The following P3H2 variants were observed in gnomAD, a reference collection of about 807,000 sequenced individuals.
P3H2 encodes the protein prolyl 3-hydroxylase 2, also known as leprecan-like 1.
A neutral mutation model predicts 87.0 loss-of-function variants in P3H2; 80 were observed. The observed-to-expected ratio is 0.92, with a 90% CI of 0.77 to 1.11. The LOEUF (loss-of-function observed/expected upper bound fraction) is 1.11. Among genes scored for constraint, P3H2 ranks in the 50% least tolerant of loss-of-function variants. The pLI is 0.00. For missense variants in P3H2, 1,001 were observed against 923.9 expected (o/e 1.08, Z -1.08); for synonymous variants, 367 against 359.3 (o/e 1.02, Z -0.24).
At chr3:190,114,531 G>A (rs1468025178) in intron 1 of P3H2, among the ~76,000 whole-genome samples, 6 of 152,002 alleles carry the variant, frequency 3.9e-5, no homozygotes, top group African/African-American at 7.3e-5. Flanking sequence ...TCACTTATAC[G>A]GGCAATAGAT....
intron 13 of P3H2, among the ~76,000 whole-genome samples, chr3:189,966,211 G>T (rs896096635): frequency 1.3e-5 from 2 of 151,548 alleles, no homozygotes; most frequent in African/African-American, 4.9e-5. Flanking sequence ...CTGAGTAAAT[G>T]GCCTTGGGAT....
intron 1 of P3H2, among the ~76,000 whole-genome samples, chr3:190,035,853 T>G (rs1725402774): frequency 6.6e-6 from 1 of 152,182 alleles, no homozygotes; most frequent in African/African-American, 2.4e-5. Context: ...CTTCAACATG[T>G]GCTTCTAATT....
rs754368365 is a variant in P3H2, at chr3:189,964,060, G to A, written c.1932C>T (p.Phe644=). ...IKPKCGRMIS[F]SSGGENPHGV... is the part of the protein sequence containing the mutation. ...CATGAGGGTTCTCTCCTCCAGATGA[G>A]AAGCTGATCATGCGCCCACATTTTG... Residue 644 remains phenylalanine (F), a synonymous_variant, in exon 14 of 15, where the codon TTC becomes TTT. Transcript: ENST00000319332. 1.2e-6 allele frequency: 2 copies of A among 1,614,066 alleles called. No individual in the cohort carries two copies. Among genetic ancestry groups the A allele is most frequent in the African/African-American group, 1.3e-5 (1 of 74,914 alleles).
At chr3:190,079,802 C>A (rs9845602) in intron 1 of P3H2, among the ~76,000 whole-genome samples, 34,289 of 152,108 alleles carry the variant, frequency 0.23, 4,048 homozygotes, top group African/African-American at 0.29. Flanking sequence ...ATAGAACTGA[C>A]TTTAAATACT....
upstream of P3H2, chr3:190,120,900 A>T: frequency 9.0e-7 from 1 of 1,112,320 alleles, no homozygotes; most frequent in Non-Finnish European, 1.2e-6. Context: ...TGAGAGGCGG[A>T]GGCCGTGCCT....
At chr3:189,993,309 C>T (rs112346563) in intron 3 of P3H2, among the ~76,000 whole-genome samples, 3,089 of 124,380 alleles carry the variant, frequency 0.025, 85 homozygotes, top group African/African-American at 0.076. Context: ...GCAACAAGAG[C>T]GAAACTCTGT....
In P3H2 at chr3:190,042,428, TTGTGTGTGTG is replaced by T. The variant is rs58506083; in HGVS notation, c.481-46996_481-46987del. Among the ~76,000 whole-genome samples the T allele has an allele frequency of 4.4e-4, 66 of 150,808 alleles. 1 individual carries two copies. In the South Asian group the frequency reaches 4.4e-3, roughly 10 times the overall value. ...AAGAACTTCATTGTCTTGTAAGATT[TTGTGTGTGTG>T]TGTGTGTGTGTGTGTGTGTATGTAG... On this transcript the variant is annotated intron_variant, in intron 1 of 14. Transcript: ENST00000319332.
At chr3:190,119,356 A>G (rs1289537384) in intron 1 of P3H2, among the ~76,000 whole-genome samples, 1 of 152,132 alleles carries the variant, frequency 6.6e-6, no homozygotes, top group Non-Finnish European at 1.5e-5. Flanking sequence ...AACGAGAAAG[A>G]AGGGTTAAGA....
intron 1 of P3H2, among the ~76,000 whole-genome samples, chr3:190,098,903 C>T (rs1711520811): frequency 6.6e-6 from 1 of 152,144 alleles, no homozygotes; most frequent in South Asian, 2.1e-4. Flanking sequence ...CAGGCATTTT[C>T]TGTCACATAC....
chr3:190,057,000 T>C (rs1442986597), intron 1 of P3H2, among the ~76,000 whole-genome samples: 2 of 152,200 alleles, frequency 1.3e-5, no homozygotes, highest in African/African-American at 4.8e-5. Context: ...TGGATTCATT[T>C]ATAGCAGAGA....
At chr3:190,083,779 G>A (rs1260803030) in intron 1 of P3H2, among the ~76,000 whole-genome samples, 1 of 152,150 alleles carries the variant, frequency 6.6e-6, no homozygotes. Context: ...CTGGACCTGA[G>A]AGCCACTCTC....
At chr3:190,087,528 A>C (rs1727261733) in intron 1 of P3H2, among the ~76,000 whole-genome samples, 1 of 142,526 alleles carries the variant, frequency 7.0e-6, no homozygotes, top group Admixed American at 7.2e-5. Context: ...TGGGCGACAG[A>C]GCAAGACTAC....
At chr3:190,110,089 T>C (rs540448600) in intron 1 of P3H2, among the ~76,000 whole-genome samples, 1 of 152,190 alleles carries the variant, frequency 6.6e-6, no homozygotes, top group East Asian at 1.9e-4. Context: ...CCTCAGGTGA[T>C]CCACGCTCCT....
intron 1 of P3H2, among the ~76,000 whole-genome samples, chr3:190,118,336 C>G (rs1046802583): frequency 5.9e-5 from 9 of 151,852 alleles, no homozygotes; most frequent in Non-Finnish European, 1.2e-4. Context: ...GACTGCTAAC[C>G]TTACATCCGA....
chr3:189,992,125 G>A (rs551958819), intron 3 of P3H2, among the ~76,000 whole-genome samples: 22 of 152,166 alleles, frequency 1.4e-4, no homozygotes, highest in African/African-American at 5.1e-4. Context: ...ATGGAGTTTC[G>A]CTCTTATTGC....
chr3:189,990,890 C>A (rs1488336714), intron 3 of P3H2, among the ~76,000 whole-genome samples: 1 of 152,164 alleles, frequency 6.6e-6, no homozygotes, highest in Non-Finnish European at 1.5e-5. Context: ...CAGCTACCGA[C>A]ATGCTGTGGT....
At chr3:190,021,059 C>T (rs1377383163) in intron 1 of P3H2, among the ~76,000 whole-genome samples, 1 of 134,488 alleles carries the variant, frequency 7.4e-6, no homozygotes, top group Non-Finnish European at 1.7e-5. Flanking sequence ...ACCATCTTTG[C>T]CTTACACCAG....
intron 1 of P3H2, among the ~76,000 whole-genome samples, chr3:190,044,779 C>A (rs1725747787): frequency 6.6e-6 from 1 of 152,090 alleles, no homozygotes; most frequent in Non-Finnish European, 1.5e-5. Flanking sequence ...ATGAGGTAAA[C>A]CTCGTCTAAA....
At chr3:190,012,952 T>G (rs1168115536) in intron 1 of P3H2, among the ~76,000 whole-genome samples, 2 of 152,208 alleles carry the variant, frequency 1.3e-5, no homozygotes, top group Non-Finnish European at 2.9e-5. Flanking sequence ...TGTCTCTATG[T>G]GCCTCCGATT....
Sources: allele counts gnomAD v4.1 joint callset (sites outside exome capture counted in the v4.1 genomes callset), GRCh38; gene constraint gnomAD v4.1.1; transcripts MANE v1.5; gene names NCBI Gene and HGNC (gene_info 2026-07-23, HGNC 2026-07-21).